The following SBF2 variants were observed in gnomAD, a reference collection of about 807,000 sequenced individuals.
SBF2 encodes myotubularin-related protein 13.
In SBF2, 112 loss-of-function variants were observed where a neutral mutation model predicts 225.2. The ratio of observed to expected loss-of-function variants is 0.50; its 90% CI spans 0.43 to 0.58. The LOEUF (loss-of-function observed/expected upper bound fraction) is 0.58, where lower values mean the gene tolerates loss of function less well. Among genes scored for constraint, SBF2 ranks in the 20% least tolerant of loss-of-function variants. The probability of loss-of-function intolerance (pLI) is 0.00; values close to 1 mark genes in which losing one functional copy is unlikely to be tolerated. For synonymous variants in SBF2, 763 were observed against 773.3 expected (o/e 0.99, Z 0.22); for missense variants, 1,996 against 2,206.2 (o/e 0.90, Z 1.91).
chr11:9,790,540 T>C lies in SBF2; in HGVS notation c.4698+16A>G. ...AAAATTTCAGAAAGTGAAACATAAA[T>C]GATTTCTTACTCTACCTCTATTTCC... On this transcript the variant is annotated intron_variant, in intron 34 of 39. Transcript: ENST00000256190. 1.3e-6 allele frequency: 2 copies of C among 1,572,656 alleles called. No homozygotes were observed. The highest frequency in any genetic ancestry group is 3.4e-5 in the Admixed American group (2 of 58,126).
intron 2 of SBF2, among the ~76,000 whole-genome samples, chr11:10,103,631 T>G (rs1232252356): frequency 6.6e-6 from 1 of 152,248 alleles, no homozygotes; most frequent in Non-Finnish European, 1.5e-5. Flanking sequence ...TATAATCAGC[T>G]GTAAAACTCT....
At chr11:10,121,551 G>A (rs1396219452) in intron 2 of SBF2, among the ~76,000 whole-genome samples, 1 of 152,174 alleles carries the variant, frequency 6.6e-6, no homozygotes, top group Non-Finnish European at 1.5e-5. Context: ...GGTATGCAGG[G>A]CTAGTATTCT....
upstream of SBF2, among the ~76,000 whole-genome samples, chr11:10,299,113 C>T (rs901842104): frequency 1.3e-5 from 2 of 151,936 alleles, no homozygotes; most frequent in African/African-American, 4.8e-5. Context: ...CCAAGTTGGG[C>T]GGATCATGAG....
At chr11:10,152,543 C>A (rs1372098536) in intron 2 of SBF2, among the ~76,000 whole-genome samples, 1 of 151,176 alleles carries the variant, frequency 6.6e-6, no homozygotes, top group Non-Finnish European at 1.5e-5. Context: ...GAGTGAAACT[C>A]CATCTCAAAA....
intron 22 of SBF2, among the ~76,000 whole-genome samples, chr11:9,848,513 C>T (rs1411638490): frequency 1.3e-5 from 2 of 152,066 alleles, no homozygotes; most frequent in Admixed American, 6.6e-5. Context: ...ATTTAAATGA[C>T]CACATAAGCA....
chr11:10,064,663 G>C (rs190737513), intron 2 of SBF2, among the ~76,000 whole-genome samples: 198 of 152,240 alleles, frequency 1.3e-3, no homozygotes, highest in Non-Finnish European at 1.3e-3. Context: ...GTAGATTTCA[G>C]AAATTTTTTT....
intron 1 of SBF2, among the ~76,000 whole-genome samples, chr11:10,284,787 A>G (rs1227235909): frequency 6.6e-6 from 1 of 151,650 alleles, no homozygotes; most frequent in African/African-American, 2.4e-5. Flanking sequence ...ATTCATTTTT[A>G]TGTTTTTTTA....
At chr11:10,204,846 G>C (rs920283504) in intron 1 of SBF2, among the ~76,000 whole-genome samples, 1 of 152,024 alleles carries the variant, frequency 6.6e-6, no homozygotes, top group Admixed American at 6.6e-5. Context: ...AGGGCTTAAG[G>C]GGGTAAAGGG....
At chr11:10,152,544 C>T (rs1955258268) in intron 2 of SBF2, among the ~76,000 whole-genome samples, 1 of 150,096 alleles carries the variant, frequency 6.7e-6, no homozygotes, top group Non-Finnish European at 1.5e-5. Flanking sequence ...AGTGAAACTC[C>T]ATCTCAAAAA....
At chr11:9,981,508 G>A (rs747402578) in intron 13 of SBF2, among the ~76,000 whole-genome samples, 1 of 152,056 alleles carries the variant, frequency 6.6e-6, no homozygotes, top group Non-Finnish European at 1.5e-5. Context: ...AAGTTTACTT[G>A]ATTTATAATT....
At chr11:9,784,327 T>C in intron 38 of SBF2, 24 bp downstream of exon 38, 1 of 1,565,776 alleles carries the variant, frequency 6.4e-7, no homozygotes, top group Non-Finnish European at 8.8e-7. Flanking sequence ...CAGAAGTAAT[T>C]TCTTTTGGCT....
intron 2 of SBF2, among the ~76,000 whole-genome samples, chr11:10,107,325 T>G (rs61878628): frequency 0.18 from 27,282 of 152,122 alleles, 2,607 homozygotes; most frequent in East Asian, 0.29. Context: ...ATACTATTCG[T>G]CAATAAAAGA....
intron 2 of SBF2, among the ~76,000 whole-genome samples, chr11:10,136,044 G>C (rs1954335094): frequency 6.6e-6 from 1 of 152,130 alleles, no homozygotes; most frequent in Non-Finnish European, 1.5e-5. Flanking sequence ...TGGCTGGGGA[G>C]GCCTCACAAT....
intron 1 of SBF2, among the ~76,000 whole-genome samples, chr11:10,258,106 AC>A (rs1297925341): frequency 6.8e-6 from 1 of 147,000 alleles, no homozygotes; most frequent in Non-Finnish European, 1.5e-5. Flanking sequence ...ACACACACAC[AC>A]ACTTTTTTTT....
At chr11:10,010,197 G>A (rs1352410386) in intron 6 of SBF2, among the ~76,000 whole-genome samples, 1 of 152,086 alleles carries the variant, frequency 6.6e-6, no homozygotes, top group Non-Finnish European at 1.5e-5. Context: ...TAGGTTGCCT[G>A]TCACTCTGCT....
intron 2 of SBF2, among the ~76,000 whole-genome samples, chr11:10,095,353 A>G (rs1161275269): frequency 1.3e-5 from 2 of 152,244 alleles, no homozygotes; most frequent in African/African-American, 4.8e-5. Flanking sequence ...ACAACTCCTG[A>G]TGTAAGACCA....
intron 16 of SBF2, among the ~76,000 whole-genome samples, chr11:9,920,204 G>A (rs7940869): frequency 0.34 from 39,451 of 114,840 alleles, 6,523 homozygotes; most frequent in African/African-American, 0.53. Flanking sequence ...GTGTGTGTGT[G>A]TATATATATA....
At chr11:9,809,092 CGACTT>C (rs1425916623) in intron 30 of SBF2, 90 bp from the exon 31 acceptor site, 2 of 917,248 alleles carry the variant, frequency 2.2e-6, no homozygotes, top group East Asian at 4.9e-5. Flanking sequence ...GATAATCAAA[CGACTT>C]AGGGATAAAG....
At chr11:9,960,525 C>T (rs891103862) in intron 16 of SBF2, 1 of 152,068 alleles carries the variant, frequency 6.6e-6, no homozygotes, top group Non-Finnish European at 1.5e-5. Context: ...AATTGAACTG[C>T]TCATCTTTTC....
Sources: allele counts gnomAD v4.1 joint callset (sites outside exome capture counted in the v4.1 genomes callset), GRCh38; gene constraint gnomAD v4.1.1; transcripts MANE v1.5; gene names NCBI Gene and HGNC (gene_info 2026-07-23, HGNC 2026-07-21).